Variants in GABRB1 observed in about 807,000 individuals in gnomAD.
GABRB1 encodes the protein gamma-aminobutyric acid receptor subunit beta-1.
In GABRB1, 17 loss-of-function variants were observed where a neutral mutation model predicts 51.6. The observed-to-expected ratio is 0.33, with a 90% CI of 0.23 to 0.49. The LOEUF (loss-of-function observed/expected upper bound fraction) is 0.49, where lower values mean the gene tolerates loss of function less well. Among genes scored for constraint, GABRB1 ranks in the 20% least tolerant of loss-of-function variants. The probability of loss-of-function intolerance (pLI) is 0.99; values close to 1 mark genes in which losing one functional copy is unlikely to be tolerated. For synonymous variants in GABRB1, 247 were observed against 218.9 expected (o/e 1.13, Z -1.14); for missense variants, 410 against 600.6 (o/e 0.68, Z 3.32).
intron 3 of GABRB1, among the ~76,000 whole-genome samples, chr4:47,092,409 G>T (rs1237802271): frequency 6.6e-6 from 1 of 151,286 alleles, no homozygotes; most frequent in Non-Finnish European, 1.5e-5. Flanking sequence ...CTGACTTAAG[G>T]TGATCCGCCC....
At chr4:47,279,083 AATGGATGGATGGATGGATGG>A (rs34567848) in intron 4 of GABRB1, among the ~76,000 whole-genome samples, 4 of 147,388 alleles carry the variant, frequency 2.7e-5, no homozygotes, top group South Asian at 4.5e-4. Flanking sequence ...CTTTCTTAGG[AATGGATGGATGGATGGATGG>A]ATGGATGGAT....
chr4:47,091,521 C>T (rs1728290511), intron 3 of GABRB1, among the ~76,000 whole-genome samples: 1 of 152,162 alleles, frequency 6.6e-6, no homozygotes, highest in South Asian at 2.1e-4. Context: ...TGACTCTTCC[C>T]TGCAAGCAAC....
intron 4 of GABRB1, among the ~76,000 whole-genome samples, chr4:47,273,670 C>T (rs1722961028): frequency 6.6e-6 from 1 of 151,896 alleles, no homozygotes; most frequent in South Asian, 2.1e-4. Flanking sequence ...AAGTTGTAGT[C>T]CCTGCCCTGC....
intron 1 of GABRB1, among the ~76,000 whole-genome samples, chr4:47,019,819 C>T (rs545354845): frequency 6.0e-5 from 9 of 150,096 alleles, no homozygotes; most frequent in African/African-American, 2.0e-4. Flanking sequence ...AATCCTCCCA[C>T]CTCAACCTCT....
chr4:47,403,809 C>G (rs953517073), intron 7 of GABRB1, 98 bp downstream of exon 7: 23 of 1,163,056 alleles, frequency 2.0e-5, no homozygotes, highest in Non-Finnish European at 2.7e-5. Context: ...TATAGCAAGC[C>G]AAAGAATTAG....
intron 3 of GABRB1, among the ~76,000 whole-genome samples, chr4:47,034,320 CA>C (rs1725460979): frequency 1.3e-5 from 2 of 151,962 alleles, no homozygotes; most frequent in South Asian, 4.2e-4. Flanking sequence ...ACCACCGTAA[CA>C]AAAAGTTCTG....
intron 4 of GABRB1, among the ~76,000 whole-genome samples, chr4:47,164,015 T>C (rs926908353): frequency 1.3e-5 from 2 of 151,998 alleles, no homozygotes; most frequent in African/African-American, 4.8e-5. Flanking sequence ...ATGTCTTACA[T>C]GGTGGCAGGT....
At chr4:47,065,105 T>C (rs1380820553) in intron 3 of GABRB1, among the ~76,000 whole-genome samples, 1 of 152,226 alleles carries the variant, frequency 6.6e-6, no homozygotes, top group East Asian at 1.9e-4. Context: ...GCTTGTACTC[T>C]GTGAAGTGGT....
intron 4 of GABRB1, among the ~76,000 whole-genome samples, chr4:47,187,058 T>G (rs1430710296): frequency 3.9e-5 from 6 of 151,928 alleles, no homozygotes; most frequent in Non-Finnish European, 8.8e-5. Context: ...GGAAGCAGTA[T>G]GATGAAGCTC....
chr4:47,297,149 A>G (rs1383062976), intron 4 of GABRB1, among the ~76,000 whole-genome samples: 1 of 152,084 alleles, frequency 6.6e-6, no homozygotes, highest in African/African-American at 2.4e-5. Context: ...TGCACATAAG[A>G]GAAAGCAGGA....
chr4:47,419,959 C>G (rs187732596), intron 8 of GABRB1, among the ~76,000 whole-genome samples: 1 of 152,172 alleles, frequency 6.6e-6, no homozygotes. Flanking sequence ...CCTCCTGAAG[C>G]CTTATTAATA....
chr4:47,401,059 G>GTA (rs1469975506), intron 5 of GABRB1, among the ~76,000 whole-genome samples: 3 of 151,244 alleles, frequency 2.0e-5, no homozygotes, highest in Non-Finnish European at 4.4e-5. Flanking sequence ...ACTCCATGGT[G>GTA]TATATATATG....
intron 5 of GABRB1, among the ~76,000 whole-genome samples, chr4:47,327,463 G>A (rs370730949): frequency 3.9e-5 from 6 of 152,308 alleles, no homozygotes; most frequent in Admixed American, 1.3e-4. Flanking sequence ...AATTTTGAAG[G>A]GTGGTAAGTG....
chr4:47,170,366 T>A (rs551188479), intron 4 of GABRB1, among the ~76,000 whole-genome samples: 2 of 147,382 alleles, frequency 1.4e-5, no homozygotes, highest in Non-Finnish European at 3.0e-5. Flanking sequence ...ATTATCTTGA[T>A]AATACAGATC....
intron 7 of GABRB1, among the ~76,000 whole-genome samples, chr4:47,404,418 A>C (rs1446079973): frequency 6.6e-6 from 1 of 151,606 alleles, no homozygotes; most frequent in Non-Finnish European, 1.5e-5. Flanking sequence ...GGGATGTGCA[A>C]GTCTGTGTCA....
At chr4:47,326,938 G>A (rs1212251606) in intron 5 of GABRB1, among the ~76,000 whole-genome samples, 2 of 152,064 alleles carry the variant, frequency 1.3e-5, no homozygotes, top group Admixed American at 6.6e-5. Flanking sequence ...GTGAGGGAAG[G>A]GATCATTGTT....
At chr4:47,290,630 G>A (rs189578770) in intron 4 of GABRB1, among the ~76,000 whole-genome samples, 12 of 152,282 alleles carry the variant, frequency 7.9e-5, no homozygotes, top group Admixed American at 2.0e-4. Context: ...GCCTGATAGC[G>A]ATATGGACAA....
intron 3 of GABRB1, among the ~76,000 whole-genome samples, chr4:47,051,125 CCTT>C (rs1726332241): frequency 6.6e-6 from 1 of 152,100 alleles, no homozygotes; most frequent in African/African-American, 2.4e-5. Context: ...TTGGGCTACT[CCTT>C]CTAACTCCCT....
chr4:47,342,048 T>C (rs572163323), intron 5 of GABRB1, among the ~76,000 whole-genome samples: 12 of 152,312 alleles, frequency 7.9e-5, no homozygotes, highest in Non-Finnish European at 1.6e-4. Context: ...ACACAGTTAG[T>C]TACTTAGAAG....
Sources: allele counts gnomAD v4.1 joint callset (sites outside exome capture counted in the v4.1 genomes callset), GRCh38; gene constraint gnomAD v4.1.1; transcripts MANE v1.5; gene names NCBI Gene and HGNC (gene_info 2026-07-23, HGNC 2026-07-21).